The following PLD5 variants were observed in gnomAD, a reference collection of about 807,000 sequenced individuals.
PLD5 encodes the protein inactive phospholipase D5.
PLD5 carries 36 observed loss-of-function variants against 61.1 expected under a neutral mutation model. That is an observed-to-expected ratio of 0.59 (90% CI 0.45 to 0.78). The LOEUF (loss-of-function observed/expected upper bound fraction) is 0.78, where lower values mean the gene tolerates loss of function less well. Among genes scored for constraint, PLD5 ranks in the 30% least tolerant of loss-of-function variants. The pLI is 0.00. For synonymous variants in PLD5, 243 were observed against 242.8 expected, an observed-to-expected ratio of 1.00 and a Z score of -0.01; for missense variants, 515 against 644.4, an observed-to-expected ratio of 0.80 and a Z score of 2.17.
rs369597039 is a variant in PLD5, at chr1:242,220,102, C to T, written c.621G>A (p.Thr207=). Residue 207 remains threonine (T), a synonymous_variant, in exon 5 of 10, where the codon ACG becomes ACA. Coordinates refer to ENST00000536534, the MANE Select transcript of PLD5 (RefSeq NM_001372062.1). ...TGTTGTAAGCGGTCATGTTCATGTA[C>T]GTCACCTCGGCTCCTAGGAGTTCAA... ...EALKLKGAEV[T]YMNMTAYNKG... 17 of 1,614,112 alleles carry T rather than the reference C, an allele frequency of 1.1e-5. No homozygotes were observed. Among genetic ancestry groups the T allele is most frequent in the South Asian group, 4.4e-5 (4 of 91,064 alleles).
At chr1:242,304,630 T>C (rs970097513) in intron 2 of PLD5, among the ~76,000 whole-genome samples, 27 of 152,252 alleles carry the variant, frequency 1.8e-4, no homozygotes, top group Non-Finnish European at 3.4e-4. Flanking sequence ...AGAAACATTC[T>C]ATGTACACAG....
At chr1:242,122,852 A>C (rs1662490994) in intron 6 of PLD5, among the ~76,000 whole-genome samples, 1 of 152,242 alleles carries the variant, frequency 6.6e-6, no homozygotes, top group Non-Finnish European at 1.5e-5. Flanking sequence ...TTGAACAGGC[A>C]AAAAGGATAC....
At chr1:242,105,092 C>T (rs193291068) in intron 8 of PLD5, among the ~76,000 whole-genome samples, 198 of 152,220 alleles carry the variant, frequency 1.3e-3, no homozygotes, top group African/African-American at 4.5e-3. Flanking sequence ...TCATGTTATA[C>T]AGTGACAAAC....
rs540008674 is a variant in PLD5 at position 242,524,432 on chromosome 1, C to T, written c.-156G>A. 1.1e-4 allele frequency: 73 copies of T among 679,760 alleles called. No individual in the cohort carries two copies. The South Asian group carries it at 2.3e-3, about 22-fold the overall frequency. 42.1% of individuals were successfully genotyped at this position (679,760 alleles called of 1,614,324 possible). On this transcript the variant is annotated 5_prime_UTR_variant, in exon 1 of 10. Transcript: ENST00000536534. ...GAGGAGCGAGCGGGCGCGGGGAGCGCGGGGTGCTGAGCGCCAGCTGGGAGC... is the reference window on the plus strand; with the variant it reads ...GAGGAGCGAGCGGGCGCGGGGAGCGTGGGGTGCTGAGCGCCAGCTGGGAGC...
chr1:242,140,314 T>C (rs1235554231), intron 5 of PLD5, among the ~76,000 whole-genome samples: 1 of 152,206 alleles, frequency 6.6e-6, no homozygotes, highest in Non-Finnish European at 1.5e-5. Flanking sequence ...TGCTTTCAGC[T>C]GAACATATTA....
intron 7 of PLD5, among the ~76,000 whole-genome samples, chr1:242,110,031 T>A (rs1661358275): frequency 6.8e-6 from 1 of 147,836 alleles, no homozygotes; most frequent in Non-Finnish European, 1.5e-5. Context: ...CACATTATAT[T>A]ATTATATTAT....
chr1:242,271,401 G>C (rs927637385), intron 3 of PLD5, among the ~76,000 whole-genome samples: 1 of 152,092 alleles, frequency 6.6e-6, no homozygotes, highest in Middle Eastern at 3.4e-3. Context: ...AAGGTGAAAA[G>C]GTACCTGAAG....
chr1:242,511,637 C>T (rs1177921809), intron 1 of PLD5, among the ~76,000 whole-genome samples: 2 of 151,508 alleles, frequency 1.3e-5, no homozygotes, highest in African/African-American at 2.4e-5. Context: ...CTATAAAAGA[C>T]CTGATCTGTA....
intron 1 of PLD5, among the ~76,000 whole-genome samples, chr1:242,504,150 T>C (rs1668647152): frequency 6.6e-6 from 1 of 152,198 alleles, no homozygotes; most frequent in African/African-American, 2.4e-5. Flanking sequence ...ATTTTAGCTC[T>C]TTGGGATATA....
At chr1:242,167,065 GACA>G (rs1274516642) in intron 5 of PLD5, among the ~76,000 whole-genome samples, 10 of 72,332 alleles carry the variant, frequency 1.4e-4, no homozygotes, top group African/African-American at 4.4e-4. Context: ...GAGAGTGAGA[GACA>G]ATAATAATAG....
chr1:242,223,851 TAGAGAGAGAGAGAG>T (rs34987274), intron 4 of PLD5, among the ~76,000 whole-genome samples: 30 of 144,344 alleles, frequency 2.1e-4, no homozygotes, highest in African/African-American at 3.3e-4. Flanking sequence ...TATATATAAA[TAGAGAGAGAGAGAG>T]AGAGAGAGAG....
At chr1:242,236,295 A>G (rs1357591695) in intron 4 of PLD5, among the ~76,000 whole-genome samples, 3 of 152,214 alleles carry the variant, frequency 2.0e-5, no homozygotes, top group Middle Eastern at 3.2e-3. Flanking sequence ...AGCAGCCTGA[A>G]CAGACTGACA....
At chr1:242,400,076 G>A (rs1233036288) in intron 1 of PLD5, among the ~76,000 whole-genome samples, 2 of 152,084 alleles carry the variant, frequency 1.3e-5, no homozygotes, top group Admixed American at 6.5e-5. Flanking sequence ...CGTGAGGCAG[G>A]AGAACCACTT....
At chr1:242,136,182 C>A (rs1024451495) in intron 5 of PLD5, among the ~76,000 whole-genome samples, 2 of 152,186 alleles carry the variant, frequency 1.3e-5, no homozygotes, top group African/African-American at 4.8e-5. Context: ...CTGCATTTTC[C>A]ATTCTGGCTT....
chr1:242,359,248 A>G (rs553601144), intron 1 of PLD5, among the ~76,000 whole-genome samples: 1 of 152,198 alleles, frequency 6.6e-6, no homozygotes, highest in South Asian at 2.1e-4. Context: ...GGAGTGAAGT[A>G]GGCTTCCTGG....
chr1:242,287,229 C>T (rs1427756895), intron 3 of PLD5, among the ~76,000 whole-genome samples: 1 of 152,174 alleles, frequency 6.6e-6, no homozygotes, highest in African/African-American at 2.4e-5. Flanking sequence ...GAAAGCCATC[C>T]AGGATTCTCC....
chr1:242,221,651 C>T (rs10926658), intron 4 of PLD5, among the ~76,000 whole-genome samples: 13,386 of 152,068 alleles, frequency 0.088, 727 homozygotes, highest in East Asian at 0.16. Flanking sequence ...TTCCAAGTGG[C>T]GGGCACATGT....
chr1:242,396,999 G>A (rs956494373), intron 1 of PLD5, among the ~76,000 whole-genome samples: 2 of 151,798 alleles, frequency 1.3e-5, no homozygotes, highest in African/African-American at 2.4e-5. Flanking sequence ...CTTACTCTCT[G>A]GCCCCTCTTT....
intron 5 of PLD5, among the ~76,000 whole-genome samples, chr1:242,196,955 G>A (rs530909049): frequency 1.3e-5 from 2 of 152,232 alleles, no homozygotes; most frequent in South Asian, 4.2e-4. Context: ...TTTAGAGACA[G>A]GGACTCACAC....
Sources: allele counts gnomAD v4.1 joint callset (sites outside exome capture counted in the v4.1 genomes callset), GRCh38; gene constraint gnomAD v4.1.1; transcripts MANE v1.5; gene names NCBI Gene and HGNC (gene_info 2026-07-23, HGNC 2026-07-21).